The following SETBP1 variants were observed in gnomAD, a reference collection of about 807,000 sequenced individuals.
The protein encoded by SETBP1 is SET-binding protein.
In SETBP1, 9 loss-of-function variants were observed where a neutral mutation model predicts 101.0. That is an observed-to-expected ratio of 0.09 (90% CI 0.05 to 0.16). The LOEUF is 0.16. Ranked by LOEUF, SETBP1 falls within the 10% of genes least tolerant of loss-of-function variation. The pLI, the probability that SETBP1 is intolerant of heterozygous loss-of-function variation, is 1.00. For missense variants in SETBP1, 1,858 were observed against 2,033.8 expected (o/e 0.91, Z 1.66); for synonymous variants, 818 against 788.5 (o/e 1.04, Z -0.63).
intron 2 of SETBP1, among the ~76,000 whole-genome samples, chr18:44,706,182 G>A (rs2069213338): frequency 6.6e-6 from 1 of 152,108 alleles, no homozygotes; most frequent in Non-Finnish European, 1.5e-5. Flanking sequence ...CAACGTGGTT[G>A]CAACTTAAAC....
At chr18:44,840,473 A>G (rs1255690487) in intron 2 of SETBP1, among the ~76,000 whole-genome samples, 1 of 152,226 alleles carries the variant, frequency 6.6e-6, no homozygotes, top group Non-Finnish European at 1.5e-5. Context: ...GGAATTGATC[A>G]ATTGCCAGCT....
At chr18:45,012,651 T>C (rs1413708834) in intron 4 of SETBP1, among the ~76,000 whole-genome samples, 1 of 152,008 alleles carries the variant, frequency 6.6e-6, no homozygotes, top group East Asian at 1.9e-4. Flanking sequence ...GTGGTATATA[T>C]GCACACATAC....
intron 4 of SETBP1, among the ~76,000 whole-genome samples, chr18:44,996,911 G>A (rs1035536811): frequency 6.6e-6 from 1 of 152,190 alleles, no homozygotes; most frequent in African/African-American, 2.4e-5. Flanking sequence ...ACACTCCTGT[G>A]CAAAAAGCAG....
Position 45,063,821 on chromosome 18 carries a change from C to A in SETBP1, c.*123C>A. On this transcript the variant is annotated 3_prime_UTR_variant, in exon 6 of 6. Transcript: ENST00000649279. ...CACGCCCTTCTCTCCAGAAGCCGGG[C>A]AGGCAGAATCCGGCCAGACGACGGG... is the stretch of plus-strand genomic sequence containing the variant. 1 of 1,166,916 alleles carries A rather than the reference C, an allele frequency of 8.6e-7. No individual in the cohort carries two copies. The highest frequency in any genetic ancestry group is 1.2e-6 in the Non-Finnish European group (1 of 833,112). The allele number at this position is 1,166,916 out of a possible 1,614,324, so 72.3% of individuals were successfully genotyped here.
At chr18:44,857,614 C>T (rs575236738) in intron 2 of SETBP1, among the ~76,000 whole-genome samples, 54 of 152,204 alleles carry the variant, frequency 3.5e-4, no homozygotes, top group African/African-American at 1.2e-3. Context: ...AGACTAACTT[C>T]GCAGCTACTT....
chr18:45,047,010 T>A lies in SETBP1; in HGVS notation c.4171+8355T>A, dbSNP rs542403057. Among the ~76,000 whole-genome samples the A allele has an allele frequency of 2.0e-5, 3 of 152,374 alleles. No homozygotes were observed. In the South Asian group the frequency reaches 6.2e-4, roughly 32 times the overall value. On this transcript the variant is annotated intron_variant, in intron 5 of 5. Transcript: ENST00000649279. ...TAATGACAGGTTTGAAAGTGCTGTG[T>A]CTTGAGAAGTTTAACTCAATTTATC...
intron 5 of SETBP1, among the ~76,000 whole-genome samples, chr18:45,043,925 GT>G (rs1337896182): frequency 1.3e-5 from 2 of 152,202 alleles, no homozygotes; most frequent in Non-Finnish European, 2.9e-5. Context: ...TGATACTTGA[GT>G]TTTCTCTTAG....
At chr18:45,012,565 G>T (rs144085142) in intron 4 of SETBP1, among the ~76,000 whole-genome samples, 35 of 152,220 alleles carry the variant, frequency 2.3e-4, no homozygotes, top group African/African-American at 8.2e-4. Context: ...GAATTCACTA[G>T]CCCTGGGAGG....
At chr18:44,842,470 C>T (rs1421077988) in intron 2 of SETBP1, among the ~76,000 whole-genome samples, 2 of 152,206 alleles carry the variant, frequency 1.3e-5, no homozygotes, top group Non-Finnish European at 1.5e-5. Context: ...CTGGGGACAG[C>T]TTTACTACAA....
At chr18:45,015,297 T>A (rs1417866962) in intron 4 of SETBP1, among the ~76,000 whole-genome samples, 1 of 152,192 alleles carries the variant, frequency 6.6e-6, no homozygotes, top group Admixed American at 6.5e-5. Context: ...AGGTGAGGTG[T>A]GTCAGGCCAT....
At chr18:44,949,251 T>C (rs1157446142) in intron 3 of SETBP1, among the ~76,000 whole-genome samples, 1 of 152,196 alleles carries the variant, frequency 6.6e-6, no homozygotes, top group Non-Finnish European at 1.5e-5. Flanking sequence ...TCTCCTTAAT[T>C]CCTCAACCTG....
intron 4 of SETBP1, among the ~76,000 whole-genome samples, chr18:44,994,854 A>G (rs1213211280): frequency 6.6e-6 from 1 of 152,210 alleles, no homozygotes; most frequent in Non-Finnish European, 1.5e-5. Flanking sequence ...TAAAACTGCA[A>G]AGAAAGGAGG....
intron 2 of SETBP1, among the ~76,000 whole-genome samples, chr18:44,746,504 A>G (rs2070250995): frequency 6.6e-6 from 1 of 152,228 alleles, no homozygotes. Flanking sequence ...GAAAAGTAGG[A>G]TGATATGTTT....
chr18:44,889,054 A>C (rs1471863837), intron 3 of SETBP1, among the ~76,000 whole-genome samples: 1 of 152,112 alleles, frequency 6.6e-6, no homozygotes, highest in African/African-American at 2.4e-5. Flanking sequence ...TTTACTTGAA[A>C]GTTGAATATA....
intron 1 of SETBP1, among the ~76,000 whole-genome samples, chr18:44,695,912 T>C (rs1401546528): frequency 6.6e-6 from 1 of 151,942 alleles, no homozygotes; most frequent in Non-Finnish European, 1.5e-5. Context: ...AAGAGGCTTA[T>C]GAAGGCTCCT....
chr18:45,049,115 A>G (rs72896881), intron 5 of SETBP1, among the ~76,000 whole-genome samples: 2 of 152,300 alleles, frequency 1.3e-5, no homozygotes, highest in Non-Finnish European at 2.9e-5. Context: ...TCGAATAACA[A>G]TCTGAGATAC....
chr18:44,882,345 C>A (rs1205215020), intron 3 of SETBP1, among the ~76,000 whole-genome samples: 1 of 151,986 alleles, frequency 6.6e-6, no homozygotes, highest in Admixed American at 6.6e-5. Flanking sequence ...AGGCTGACAG[C>A]TCAAGTGGAA....
At chr18:44,836,864 T>A (rs182924577) in intron 2 of SETBP1, among the ~76,000 whole-genome samples, 9 of 152,316 alleles carry the variant, frequency 5.9e-5, no homozygotes, top group African/African-American at 1.9e-4. Flanking sequence ...AACAAGGACA[T>A]CTTGTTATAT....
At chr18:44,748,699 C>T (rs2070318351) in intron 2 of SETBP1, among the ~76,000 whole-genome samples, 1 of 152,196 alleles carries the variant, frequency 6.6e-6, no homozygotes, top group South Asian at 2.1e-4. Flanking sequence ...ATAGTGTCCA[C>T]TTAGCTTCTG....
Sources: allele counts gnomAD v4.1 joint callset (sites outside exome capture counted in the v4.1 genomes callset), GRCh38; gene constraint gnomAD v4.1.1; transcripts MANE v1.5; gene names NCBI Gene and HGNC (gene_info 2026-07-23, HGNC 2026-07-21).